The following ATP2B1 variants were observed in gnomAD, a reference collection of about 807,000 sequenced individuals.
The protein encoded by ATP2B1 is plasma membrane calcium-transporting ATPase 1.
In ATP2B1, 14 loss-of-function variants were observed where a neutral mutation model predicts 124.2. That is an observed-to-expected ratio of 0.11 (90% confidence interval 0.07 to 0.18). The LOEUF is 0.18. Ranked by LOEUF, ATP2B1 falls within the 10% of genes least tolerant of loss-of-function variation. The pLI is 1.00. For synonymous variants in ATP2B1, 449 were observed against 492.4 expected, an observed-to-expected ratio of 0.91 and a Z score of 1.17; for missense variants, 763 against 1,466.1, an observed-to-expected ratio of 0.52 and a Z score of 7.83.
intron 1 of ATP2B1, among the ~76,000 whole-genome samples, chr12:89,701,179 T>C (rs1891807137): frequency 6.6e-6 from 1 of 152,208 alleles, no homozygotes; most frequent in Non-Finnish European, 1.5e-5. Flanking sequence ...ATCTAACAGT[T>C]TGCTCTCAGT....
At chr12:89,676,036 T>C (rs1276905130) in intron 1 of ATP2B1, among the ~76,000 whole-genome samples, 2 of 152,114 alleles carry the variant, frequency 1.3e-5, no homozygotes, top group African/African-American at 4.8e-5. Flanking sequence ...TAATTATGTC[T>C]GATATGTAAA....
intron 2 of ATP2B1, among the ~76,000 whole-genome samples, chr12:89,650,683 C>A (rs1258803290): frequency 6.6e-6 from 1 of 152,092 alleles, no homozygotes; most frequent in African/African-American, 2.4e-5. Flanking sequence ...TTTATGAATT[C>A]ATTTATAAAA....
chr12:89,656,850 A>G (rs1194575706), intron 1 of ATP2B1, among the ~76,000 whole-genome samples: 2 of 151,400 alleles, frequency 1.3e-5, no homozygotes, highest in Admixed American at 6.6e-5. Flanking sequence ...TCATTTGTTT[A>G]TATGTTATTT....
At chr12:89,709,159 CCG>C (rs1367543683), upstream of ATP2B1, 1 of 151,002 alleles carries the variant, frequency 6.6e-6, no homozygotes, top group Non-Finnish European at 1.5e-5. Flanking sequence ...GGCAGGGACC[CCG>C]TCTGCACCGG....
intron 15 of ATP2B1, among the ~76,000 whole-genome samples, chr12:89,605,382 T>C (rs535761426): frequency 1.7e-4 from 26 of 152,230 alleles, no homozygotes; most frequent in African/African-American, 5.5e-4. Context: ...TGGATTAATA[T>C]CATTATTTTG....
In ATP2B1 at chr12:89,642,322, CTTCT is replaced by C; in HGVS notation, c.238_241del (p.Arg80GlufsTer21). ...AAAATTCTTTCCAAACACTGCTTCTCTTCTTTCTAAATCTGCAGGGTTTCCACTT... is the reference window on the plus strand; with the variant it reads ...AAAATTCTTTCCAAACACTGCTTCTCTTCTAAATCTGCAGGGTTTCCACTT... On this transcript the variant is annotated frameshift_variant, in exon 3 of 21. Coordinates refer to ENST00000428670, the MANE Select transcript of ATP2B1 (RefSeq NM_001366521.1). LOFTEE classifies it high-confidence loss of function. The C allele has an allele frequency of 6.2e-7, 1 of 1,613,566 alleles. No individual in the cohort carries two copies. Among genetic ancestry groups the C allele is most frequent in the Non-Finnish European group, 8.5e-7 (1 of 1,179,900 alleles).
chr12:89,676,241 C>A (rs1888591487), intron 1 of ATP2B1, among the ~76,000 whole-genome samples: 1 of 152,062 alleles, frequency 6.6e-6, no homozygotes, highest in African/African-American at 2.4e-5. Context: ...TAAATAGTTT[C>A]TGAATTTACC....
chr12:89,640,008 T>C (rs926504502), intron 3 of ATP2B1, among the ~76,000 whole-genome samples: 1 of 152,206 alleles, frequency 6.6e-6, no homozygotes, highest in African/African-American at 2.4e-5. Context: ...TTCAGCTGTA[T>C]GTTGCTGAAG....
At chr12:89,695,058 C>CAAAAAAAAAAAA (rs544087541) in intron 1 of ATP2B1, among the ~76,000 whole-genome samples, 8 of 111,082 alleles carry the variant, frequency 7.2e-5, no homozygotes, top group African/African-American at 1.3e-4. Context: ...GATGCTGTTT[C>CAAAAAAAAAAAA]AAAAAAAAAA....
At chr12:89,592,357 A>G (rs565963081) in intron 20 of ATP2B1, among the ~76,000 whole-genome samples, 1 of 152,226 alleles carries the variant, frequency 6.6e-6, no homozygotes, top group South Asian at 2.1e-4. Flanking sequence ...AGAGAAATAA[A>G]TAACACTTTG....
Position 89,655,971 on chromosome 12 carries a change from A to C in ATP2B1, c.-85T>G. The C allele has an allele frequency of 7.2e-7, 1 of 1,386,664 alleles. No individual in the cohort carries two copies. Among genetic ancestry groups the C allele is most frequent in the Middle Eastern group, 1.9e-4 (1 of 5,352 alleles). 85.9% of individuals were successfully genotyped at this position (1,386,664 alleles called of 1,614,324 possible). A position where few individuals can be genotyped will look rare whatever the true frequency, so the allele number is the denominator to read the frequency against. ...GTATTTCCAAGATGAAAATCTTTTA[A>C]GTATGAAAATCTTTCTTAAACCAAA... On this transcript the variant is annotated 5_prime_UTR_variant, in exon 2 of 21. Coordinates refer to ENST00000428670, the MANE Select transcript of ATP2B1 (RefSeq NM_001366521.1).
At chr12:89,702,740 T>C (rs996993448) in intron 1 of ATP2B1, among the ~76,000 whole-genome samples, 3 of 152,172 alleles carry the variant, frequency 2.0e-5, no homozygotes, top group African/African-American at 7.2e-5. Context: ...CCTTTATTTG[T>C]TCCCTCAGAG....
intron 12 of ATP2B1, among the ~76,000 whole-genome samples, chr12:89,612,990 T>C (rs2136018044): frequency 6.6e-6 from 1 of 150,624 alleles, no homozygotes; most frequent in Non-Finnish European, 1.5e-5. Context: ...ACAAGGTACT[T>C]TTTTTTTTAA....
At chr12:89,660,656 A>ATAATACATAATACATAATAC (rs1886592503) in intron 1 of ATP2B1, among the ~76,000 whole-genome samples, 1 of 152,216 alleles carries the variant, frequency 6.6e-6, no homozygotes, top group Non-Finnish European at 1.5e-5. Context: ...ATAAAGATAC[A>ATAATACATAATACATAATAC]AAAACAGTAC....
intron 1 of ATP2B1, among the ~76,000 whole-genome samples, chr12:89,669,690 T>C (rs536144983): frequency 1.3e-5 from 2 of 152,330 alleles, no homozygotes; most frequent in Non-Finnish European, 2.9e-5. Context: ...GTATAGTGTA[T>C]ATTATTAAGT....
At chr12:89,634,412 C>T (rs1478684263) in intron 5 of ATP2B1, among the ~76,000 whole-genome samples, 6 of 152,136 alleles carry the variant, frequency 3.9e-5, no homozygotes, top group African/African-American at 1.4e-4. Context: ...AACATATATT[C>T]ATTCTTTAAT....
chr12:89,656,652 T>C (rs1411712685), intron 1 of ATP2B1, among the ~76,000 whole-genome samples: 1 of 152,196 alleles, frequency 6.6e-6, no homozygotes, highest in Non-Finnish European at 1.5e-5. Context: ...ACAGATCCTT[T>C]AATATTATTT....
chr12:89,628,046 G>A (rs1881179609), intron 6 of ATP2B1, among the ~76,000 whole-genome samples: 1 of 152,132 alleles, frequency 6.6e-6, no homozygotes, highest in African/African-American at 2.4e-5. Flanking sequence ...GCAGAAAAGG[G>A]CAGAGGTGGA....
chr12:89,597,341 A>G (rs1015377570), intron 20 of ATP2B1, among the ~76,000 whole-genome samples: 3 of 152,116 alleles, frequency 2.0e-5, no homozygotes, highest in South Asian at 2.1e-4. Context: ...TGTAAATTTA[A>G]TATCTTAATG....
Sources: gnomAD v4.1 joint callset for allele counts (sites outside exome capture counted in the v4.1 genomes callset) on GRCh38, gnomAD v4.1.1 for gene constraint, MANE v1.5 for transcripts, NCBI Gene and HGNC (gene_info 2026-07-23, HGNC 2026-07-21) for gene names.